PAM: variants seen among roughly 807,000 people sequenced by gnomAD.
PAM encodes peptidylglycine alpha-amidating monooxygenase.
In PAM, 72 loss-of-function variants were observed where a neutral mutation model predicts 122.1. The ratio of observed to expected loss-of-function variants is 0.59; its 90% confidence interval spans 0.49 to 0.72. The LOEUF is 0.72. PAM is among the 30% of genes least tolerant of loss of function. The pLI, the probability that PAM is intolerant of heterozygous loss-of-function variation, is 0.00. For synonymous variants in PAM, 389 were observed against 404.4 expected (o/e 0.96, Z 0.46); for missense variants, 1,106 against 1,183.7 (o/e 0.93, Z 0.96).
At chr5:102,965,844 T>C (rs1763930845) in intron 14 of PAM, among the ~76,000 whole-genome samples, 1 of 151,998 alleles carries the variant, frequency 6.6e-6, no homozygotes, top group African/African-American at 2.4e-5. Context: ...AAAAATGAAT[T>C]ACCATTGGCA....
At chr5:103,006,526 A>G (rs145285868) in intron 18 of PAM, among the ~76,000 whole-genome samples, 1 of 152,328 alleles carries the variant, frequency 6.6e-6, no homozygotes, top group Admixed American at 6.5e-5. Context: ...GGGTGGACAG[A>G]ACTGGGTATC....
At chr5:103,018,882 A>G (rs966385577) in intron 22 of PAM, among the ~76,000 whole-genome samples, 7 of 152,212 alleles carry the variant, frequency 4.6e-5, no homozygotes, top group East Asian at 3.8e-4. Flanking sequence ...GAATGGTTTC[A>G]GGATAAAACT....
intron 3 of PAM, among the ~76,000 whole-genome samples, chr5:102,891,931 C>T (rs913838057): frequency 6.8e-6 from 1 of 147,314 alleles, no homozygotes; most frequent in Non-Finnish European, 1.5e-5. Flanking sequence ...TCAGACATCT[C>T]CTGTTCTTTC....
At chr5:102,916,791 G>A (rs1340638964) in intron 5 of PAM, among the ~76,000 whole-genome samples, 3 of 149,002 alleles carry the variant, frequency 2.0e-5, no homozygotes, top group Non-Finnish European at 4.4e-5. Flanking sequence ...CTAGTGCAGT[G>A]GTGCGATCTC....
At chr5:102,986,558 C>T (rs562352499) in intron 15 of PAM, among the ~76,000 whole-genome samples, 1 of 152,164 alleles carries the variant, frequency 6.6e-6, no homozygotes, top group South Asian at 2.1e-4. Flanking sequence ...CTACAAAACA[C>T]TGATGAAAGA....
chr5:102,815,820 A>G (rs1291846886), intron 1 of PAM, among the ~76,000 whole-genome samples: 2 of 152,140 alleles, frequency 1.3e-5, no homozygotes, highest in South Asian at 2.1e-4. Context: ...ACTTAGTACT[A>G]AGTGTTGAAA....
chr5:102,762,834 C>T (rs1241596264), intron 1 of PAM, among the ~76,000 whole-genome samples: 1 of 152,196 alleles, frequency 6.6e-6, no homozygotes, highest in Non-Finnish European at 1.5e-5. Flanking sequence ...GCCCCTGCCT[C>T]ACTTAGCTAT....
intron 22 of PAM, among the ~76,000 whole-genome samples, chr5:103,018,229 G>T (rs1247638821): frequency 6.6e-6 from 1 of 152,082 alleles, no homozygotes; most frequent in African/African-American, 2.4e-5. Context: ...GGTATCAGGA[G>T]CTTCAACAGG....
chr5:102,901,739 G>A (rs75796939), intron 4 of PAM, among the ~76,000 whole-genome samples: 4,568 of 151,588 alleles, frequency 0.03, 222 homozygotes, highest in African/African-American at 0.1. Context: ...TCAACAGACA[G>A]TTTATTTACC....
At chr5:102,984,899 G>A (rs921396595) in intron 15 of PAM, among the ~76,000 whole-genome samples, 3 of 151,626 alleles carry the variant, frequency 2.0e-5, no homozygotes, top group African/African-American at 7.3e-5. Flanking sequence ...GACCACAAAG[G>A]AAAAAACTAG....
intron 1 of PAM, among the ~76,000 whole-genome samples, chr5:102,775,434 C>T (rs1164672999): frequency 1.3e-5 from 2 of 152,026 alleles, no homozygotes; most frequent in African/African-American, 4.8e-5. Context: ...CACCTATCAA[C>T]CCATCACCTA....
intron 4 of PAM, among the ~76,000 whole-genome samples, chr5:102,909,243 C>T (rs1800654969): frequency 6.6e-6 from 1 of 151,736 alleles, no homozygotes; most frequent in Non-Finnish European, 1.5e-5. Context: ...GCTTCCTATG[C>T]CTGCCTCAGA....
chr5:102,843,763 A>G (rs1327669187), intron 1 of PAM, among the ~76,000 whole-genome samples: 1 of 152,204 alleles, frequency 6.6e-6, no homozygotes, highest in Non-Finnish European at 1.5e-5. Context: ...TAGATGCTCA[A>G]CATCATTAGC....
At chr5:102,875,622 A>T (rs1561720104) in intron 3 of PAM, among the ~76,000 whole-genome samples, 1 of 152,124 alleles carries the variant, frequency 6.6e-6, no homozygotes, top group Non-Finnish European at 1.5e-5. Context: ...GCAATGAAGA[A>T]TTTTTTTTGT....
At chr5:102,920,797 ATT>A (rs764728307) in intron 5 of PAM, among the ~76,000 whole-genome samples, 15 of 144,330 alleles carry the variant, frequency 1.0e-4, no homozygotes, top group Admixed American at 2.1e-4. Context: ...GGGCATGACA[ATT>A]TTTTTTTTTT....
At chr5:102,789,318 C>T (rs1761434975) in intron 1 of PAM, among the ~76,000 whole-genome samples, 2 of 151,958 alleles carry the variant, frequency 1.3e-5, no homozygotes, top group South Asian at 2.1e-4. Context: ...TGCAGAGACT[C>T]GAATAGACAT....
At chr5:102,768,768 C>A (rs1309405759) in intron 1 of PAM, among the ~76,000 whole-genome samples, 1 of 152,158 alleles carries the variant, frequency 6.6e-6, no homozygotes, top group Non-Finnish European at 1.5e-5. Context: ...GTTTCCAAAT[C>A]TTGGCCATTG....
At chr5:102,777,609 C>G (rs764731620) in intron 1 of PAM, among the ~76,000 whole-genome samples, 2 of 152,116 alleles carry the variant, frequency 1.3e-5, no homozygotes, top group African/African-American at 2.4e-5. Context: ...GAGGCCCTTT[C>G]TTCCCAGAAG....
chr5:102,771,729 CT>C (rs1283985352), intron 1 of PAM, among the ~76,000 whole-genome samples: 2 of 152,090 alleles, frequency 1.3e-5, no homozygotes, highest in Non-Finnish European at 1.5e-5. Context: ...AATAAAGTTG[CT>C]CTGTATGCCC....
Sources: allele counts gnomAD v4.1 joint callset (sites outside exome capture counted in the v4.1 genomes callset), GRCh38; gene constraint gnomAD v4.1.1; transcripts MANE v1.5; gene names NCBI Gene and HGNC (gene_info 2026-07-23, HGNC 2026-07-21).